TTC16: variants seen among roughly 807,000 people sequenced by gnomAD.
TTC16 encodes the protein tetratricopeptide repeat domain 16.
Under a neutral mutation model 80.4 loss-of-function variants are expected in TTC16, and 66 were observed. The ratio of observed to expected loss-of-function variants is 0.82; its 90% CI spans 0.67 to 1.01. The LOEUF (loss-of-function observed/expected upper bound fraction) is 1.01. Among genes scored for constraint, TTC16 ranks in the 50% least tolerant of loss-of-function variants. The pLI, the probability that TTC16 is intolerant of heterozygous loss-of-function variation, is 0.00. For synonymous variants in TTC16, 438 were observed against 451.3 expected (o/e 0.97, Z 0.37); for missense variants, 1,070 against 1,103.2 (o/e 0.97, Z 0.43).
At chr9:127,720,224 G>T in intron 5 of TTC16, 42 bp from the exon 6 acceptor site, 1 of 1,613,020 alleles carries the variant, frequency 6.2e-7, no homozygotes, top group Non-Finnish European at 8.5e-7. Context: ...ACTTCCTGCC[G>T]CCCCACCCGG....
At chr9:127,717,993 A>G (rs1020001394) in intron 4 of TTC16, among the ~76,000 whole-genome samples, 10 of 152,376 alleles carry the variant, frequency 6.6e-5, no homozygotes, top group African/African-American at 2.2e-4. Flanking sequence ...ACAGTGTCCA[A>G]TATGCTAGCC....
Position 127,718,178 on chromosome 9 carries a change from C to G in TTC16, c.426+406C>G, listed in dbSNP as rs1668133237. On this transcript the variant is annotated intron_variant, in intron 4 of 13. Coordinates refer to ENST00000373289, the MANE Select transcript of TTC16 (RefSeq NM_144965.3). This position sits in a 1 kb window ranked among gnomAD's most constrained non-coding sequence, Gnocchi z 4.6. ...TCTCGGCTCACTGCAACCTCTGTCTCTTGGATTCAAGCAATTCTCCTGCCT... is the reference window on the plus strand; with the variant it reads ...TCTCGGCTCACTGCAACCTCTGTCTGTTGGATTCAAGCAATTCTCCTGCCT... Among the ~76,000 whole-genome samples the G allele has an allele frequency of 6.6e-6, 1 of 152,090 alleles. No homozygotes were observed. The highest frequency in any genetic ancestry group is 1.5e-5 in the Non-Finnish European group (1 of 68,020).
Position 127,727,321 on chromosome 9 carries a change from C to G in TTC16, c.1620C>G (p.His540Gln). The G allele has an allele frequency of 6.3e-7, 1 of 1,599,354 alleles. No homozygotes were observed. The highest frequency in any genetic ancestry group is 8.5e-7 in the Non-Finnish European group (1 of 1,170,630). ...LERQKALALQ[H>Q]SWKQGEPLIA... ...GCCAGAAGGCCTTGGCCCTGCAGCA[C>G]TCATGGAAGCAGGGGGAGCCTTTGA... The change falls in exon 12 of 14, where the codon CAC (histidine) becomes CAG (glutamine). Residue 540 changes from histidine (H) to glutamine (Q), a missense_variant. Physicochemically the swap from His to Gln is conservative, Grantham distance 24. Transcript: ENST00000373289.
chr9:127,717,528 T>G lies in TTC16; in HGVS notation c.283-101T>G, dbSNP rs1049724570. 2.9e-5 allele frequency: 46 copies of G among 1,570,770 alleles called. No individual in the cohort carries two copies. The South Asian group carries it at 5.4e-4, about 19-fold the overall frequency. ...CCTCTCAGGGCCACCAAGTCCCTGA[T>G]GGGAATTGGATGTCAACTCTCAGGG... On this transcript the variant is annotated intron_variant, in intron 3 of 13. Coordinates refer to ENST00000373289, the MANE Select transcript of TTC16 (RefSeq NM_144965.3).
intron 12 of TTC16, 188 bp from the exon 13 acceptor site, chr9:127,729,393 A>G (rs578191909): frequency 2.1e-5 from 12 of 579,426 alleles, no homozygotes; most frequent in African/African-American, 1.7e-4. Context: ...ATGCCTGTCT[A>G]GCCTGGTCGC....
intron 13 of TTC16, 144 bp downstream of exon 13, chr9:127,729,812 G>T: frequency 1.4e-6 from 1 of 692,852 alleles, no homozygotes; most frequent in Non-Finnish European, 2.5e-6. Flanking sequence ...GCTCTAGAGC[G>T]GGAGTAACAC....
chr9:127,730,396 A>T, intron 13 of TTC16: 1 of 573,908 alleles, frequency 1.7e-6, no homozygotes, highest in Non-Finnish European at 3.0e-6. Context: ...AGGGGCAGCC[A>T]CAGAGCAGAG....
At chr9:127,724,976 T>C in intron 9 of TTC16, 79 bp downstream of exon 9, 1 of 1,412,810 alleles carries the variant, frequency 7.1e-7, no homozygotes, top group Non-Finnish European at 9.2e-7. Context: ...CTGGGATCCC[T>C]GGGTCAATCA....
chr9:127,720,823 C>CCCT (rs1491434297), intron 6 of TTC16, among the ~76,000 whole-genome samples: 11 of 2,788 alleles, frequency 3.9e-3, no homozygotes, highest in Admixed American at 9.3e-3. Flanking sequence ...TCTTTCTTCC[C>CCCT]TCCTGCCTTC....
At chr9:127,717,161 C>A in intron 2 of TTC16, 145 bp downstream of exon 2, 1 of 1,268,148 alleles carries the variant, frequency 7.9e-7, no homozygotes, top group Non-Finnish European at 1.1e-6. Context: ...GGGAACGAGG[C>A]TGATGGCCTG....
At chr9:127,716,249 G>C (rs1842998186) in intron 1 of TTC16, 86 bp downstream of exon 1, 1 of 1,587,472 alleles carries the variant, frequency 6.3e-7, no homozygotes, top group Admixed American at 1.7e-5. Context: ...GTGAAGGCCG[G>C]GAGAGGCAGG....
rs368884092 is a variant in TTC16 at position 127,717,624 on chromosome 9, C to G, written c.283-5C>G. ...ATCTAGCAGCCTGGGTCCCCTCACC[C>G]TCAGGTGGACTTCTATGCCTTACGG... On this transcript the variant is annotated splice_polypyrimidine_tract_variant and splice_region_variant and intron_variant, in intron 3 of 13. Transcript: ENST00000373289. 7 of 1,613,136 alleles carry G rather than the reference C, an allele frequency of 4.3e-6. No homozygotes were observed. In the African/African-American group the frequency reaches 9.3e-5, roughly 22 times the overall value.
rs1843787819 is a variant in TTC16 at position 127,724,768 on chromosome 9, A to C, written c.1130A>C (p.Gln377Pro). 3 of 1,610,314 alleles carry C rather than the reference A, an allele frequency of 1.9e-6. No individual in the cohort carries two copies. The South Asian group carries it at 3.3e-5, about 18-fold the overall frequency. ...LYINRGDCFFQLGNLAFAEAD... is the reference protein window; with the variant it reads ...LYINRGDCFFPLGNLAFAEAD... ...CTCCGGACCCTAGATTGCTTCTTCC[A>C]GCTGGGCAACCTGGCCTTTGCCGAG... Residue 377 changes from glutamine to proline, a missense_variant, in exon 9 of 14, where the codon CAG becomes CCG. By Grantham distance (76) the Gln-to-Pro change is moderately conservative. Transcript: ENST00000373289.
At position 127,727,444 on chromosome 9, in the gene TTC16, A is replaced by G. The variant is rs1844073068; in HGVS notation, c.1743A>G (p.Glu581=). 3 of 1,591,790 alleles carry G rather than the reference A, an allele frequency of 1.9e-6. No homozygotes were observed. The Admixed American group carries it at 5.4e-5, about 28-fold the overall frequency. The change falls in exon 12 of 14, where the codon GAA becomes GAG. Residue 581 remains glutamate, a synonymous_variant. Coordinates refer to ENST00000373289, the MANE Select transcript of TTC16 (RefSeq NM_144965.3). Reference sequence around the variant, plus strand: ...CTGAGGCCCCTGAGGAGGAGGAAGAAAAGGAGAAGGAGAAAAAAGAGGTAA... The same window carrying G: ...CTGAGGCCCCTGAGGAGGAGGAAGAGAAGGAGAAGGAGAAAAAAGAGGTAA... The part of the protein sequence containing the change: ...GEAEAPEEEE[E]KEKEKKEEKK...
At chr9:127,716,596 T>C (rs1843033539) in intron 1 of TTC16, 2 of 574,518 alleles carry the variant, frequency 3.5e-6, no homozygotes, top group East Asian at 2.9e-5. Flanking sequence ...CAGACGGTGT[T>C]GTAAGCATGA....
At position 127,727,096 on chromosome 9, in the gene TTC16, C is replaced by G. The variant is rs147232063; in HGVS notation, c.1552C>G (p.Pro518Ala). The G allele has an allele frequency of 1.3e-3, 2,125 of 1,605,746 alleles. 1 individual carries two copies. The highest frequency in any genetic ancestry group is 1.6e-3 in the Non-Finnish European group (1,927 of 1,175,778). ...GGAGGGCAGCCTGCAGGCCGGCAGC[C>G]CACAAGGCATTGTGGGGTAAGCCCT... is the stretch of plus-strand genomic sequence containing the variant. ...MVEGSLQAGS[P>A]QGIVGMLKRH... Residue 518 changes from proline to alanine, a missense_variant, in exon 11 of 14, where the codon CCA (proline) becomes GCA (alanine). Pro to Ala is a conservative substitution (Grantham distance 27). Coordinates refer to ENST00000373289, the MANE Select transcript of TTC16 (RefSeq NM_144965.3).
rs1844038035 is a variant in TTC16 at position 127,727,052 on chromosome 9, T to G, written c.1508T>G (p.Leu503Arg). The change falls in exon 11 of 14, where the codon CTG (leucine) becomes CGG (arginine). Residue 503 changes from leucine to arginine, a missense_variant. Transcript: ENST00000373289. ...ACCCAGATAGCCCACCTGGCCAGGC[T>G]GCAGCTGGAGCAGATGGTGGAGGGC... Reference protein sequence around the residue: ...LSTQIAHLARLQLEQMVEGSL... With the variant: ...LSTQIAHLARRQLEQMVEGSL... 2 of 1,612,356 alleles carry G rather than the reference T, an allele frequency of 1.2e-6. No individual in the cohort carries two copies. Among genetic ancestry groups the G allele is most frequent in the South Asian group, 1.1e-5 (1 of 91,078 alleles).
In TTC16 at chr9:127,731,288, G is replaced by A. The variant is rs1429333031; in HGVS notation, c.2505G>A (p.Gln835=). ...GQRSSKAEGA[Q]GKSQGMSSTS... ...GGTCCAGCAAGGCTGAGGGTGCCCA[G>A]GGCAAGAGCCAGGGCATGAGCTCAA... The change falls in exon 14 of 14, where the codon CAG becomes CAA. Residue 835 remains glutamine, a synonymous_variant. Coordinates refer to ENST00000373289, the MANE Select transcript of TTC16 (RefSeq NM_144965.3). The A allele has an allele frequency of 1.2e-6, 2 of 1,613,122 alleles. No individual in the cohort carries two copies. The highest frequency in any genetic ancestry group is 2.2e-5 in the East Asian group (1 of 44,892).
Position 127,731,443 on chromosome 9 carries a change from GA to G in TTC16, c.*39del. The G allele has an allele frequency of 6.3e-7, 1 of 1,574,806 alleles. No individual in the cohort carries two copies. The highest frequency in any genetic ancestry group is 1.2e-5 in the South Asian group (1 of 85,188). Reference sequence around the variant, plus strand: ...GACCCTCCCTTCTTGCTGGGGAGGGGACGAGTTCTACCCACCTCCCCACACT... The same window carrying G: ...GACCCTCCCTTCTTGCTGGGGAGGGGCGAGTTCTACCCACCTCCCCACACT... On this transcript the variant is annotated 3_prime_UTR_variant, in exon 14 of 14. Coordinates refer to ENST00000373289, the MANE Select transcript of TTC16 (RefSeq NM_144965.3).
Sources: allele counts gnomAD v4.1 joint callset (sites outside exome capture counted in the v4.1 genomes callset), GRCh38; gene constraint gnomAD v4.1.1; non-coding constraint Gnocchi (gnomAD v3.1); transcripts MANE v1.5; gene names NCBI Gene and HGNC (gene_info 2026-07-23, HGNC 2026-07-21).